Variants in CACNA2D2 observed in about 807,000 individuals in gnomAD.
CACNA2D2 encodes voltage-dependent calcium channel subunit alpha-2/delta-2.
A neutral mutation model predicts 166.4 loss-of-function variants in CACNA2D2; 48 were observed. That is an observed-to-expected ratio of 0.29 (90% CI 0.23 to 0.37). The LOEUF (loss-of-function observed/expected upper bound fraction) is 0.37. Among genes scored for constraint, CACNA2D2 ranks in the 10% least tolerant of loss-of-function variants. CACNA2D2 has a pLI of 1.00. For synonymous variants in CACNA2D2, 561 were observed against 573.7 expected (o/e 0.98, Z 0.32); for missense variants, 1,122 against 1,433.0 (o/e 0.78, Z 3.50).
In CACNA2D2 at chr3:50,460,295, T is replaced by C. The variant is rs571674641; in HGVS notation, c.288+15823A>G. Among the ~76,000 whole-genome samples, 5 of 152,324 alleles carry C rather than the reference T, an allele frequency of 3.3e-5. No individual in the cohort carries two copies. The South Asian group carries it at 8.3e-4, about 25-fold the overall frequency. On this transcript the variant is annotated intron_variant, in intron 2 of 37. Transcript: ENST00000424201. ...ACTTTGGTTTACAATACTGTGCCAATGTTGATGTCTTAGTTTTGATATTTA... is the reference window on the plus strand; with the variant it reads ...ACTTTGGTTTACAATACTGTGCCAACGTTGATGTCTTAGTTTTGATATTTA...
At position 50,378,028 on chromosome 3, in the gene CACNA2D2, T is replaced by C; in HGVS notation, c.1459A>G (p.Asn487Asp). ...CTTACCAGTGCATCCTCATACACGT[T>C]GGTCCACTGCACCTGCTTGGCCTCC... is the stretch of plus-strand genomic sequence containing the variant. The part of the protein sequence containing the change: ...GKEAKQVQWT[N>D]VYEDALGLGL... Residue 487 changes from asparagine (N) to aspartate (D), a missense_variant, in exon 15 of 38, where the codon AAC becomes GAC. Asn to Asp is a conservative substitution (Grantham distance 23). Coordinates refer to ENST00000424201, the MANE Select transcript of CACNA2D2 (RefSeq NM_006030.4). 1.2e-6 allele frequency: 2 copies of C among 1,613,726 alleles called. No individual in the cohort carries two copies. The highest frequency in any genetic ancestry group is 1.1e-5 in the South Asian group (1 of 91,088).
intron 1 of CACNA2D2, among the ~76,000 whole-genome samples, chr3:50,498,456 T>C (rs1698814300): frequency 6.6e-6 from 1 of 152,122 alleles, no homozygotes. Context: ...CAGACTGGAA[T>C]CTGGAGAAGG....
intron 2 of CACNA2D2, among the ~76,000 whole-genome samples, chr3:50,466,554 G>A (rs184502067): frequency 2.2e-4 from 33 of 152,282 alleles, no homozygotes; most frequent in African/African-American, 7.9e-4. Flanking sequence ...CTGACGCACA[G>A]GGGTTCACTT....
intron 1 of CACNA2D2, among the ~76,000 whole-genome samples, chr3:50,501,855 A>G (rs1698977452): frequency 6.6e-6 from 1 of 152,134 alleles, no homozygotes; most frequent in Non-Finnish European, 1.5e-5. Flanking sequence ...CTGAACTTCC[A>G]TTCGATTCTT....
Position 50,365,462 on chromosome 3 carries a change from T to G in CACNA2D2, c.2992A>C (p.Ser998Arg). The change falls in exon 35 of 38, where the codon AGC (serine) becomes CGC (arginine). Residue 998 changes from serine (S) to arginine (R), a missense_variant. This residue lies in a region of CACNA2D2 where 282 missense variants were observed against 266.2 expected (regional missense o/e 1.06). Transcript: ENST00000424201. The surrounding 1 kb of genome is among the most constrained non-coding windows in gnomAD (Gnocchi z 4.5). ...CAGCTGCTCTCGCGCGTCTCGGGGC[T>G]CCCCTCGGCCTCCGCGGGGTCTGCG... Reference protein sequence around the residue: ...FQADPAEAEGSPETRESSCVM... With the variant: ...FQADPAEAEGRPETRESSCVM... 1 of 1,613,368 alleles carries G rather than the reference T, an allele frequency of 6.2e-7. No homozygotes were observed. Among genetic ancestry groups the G allele is most frequent in the Non-Finnish European group, 8.5e-7 (1 of 1,179,862 alleles).
intron 2 of CACNA2D2, among the ~76,000 whole-genome samples, chr3:50,461,490 C>A (rs1325862798): frequency 1.3e-5 from 2 of 152,136 alleles, no homozygotes; most frequent in Non-Finnish European, 2.9e-5. Context: ...GTAATCCCAG[C>A]ACTTTGGGAG....
chr3:50,363,081 T>C lies in CACNA2D2; in HGVS notation c.*1585A>G, dbSNP rs2109387833. ...GGGTTAGACAGCTACCTGATGGGGA[T>C]TGTTTTGTCTGTTTTTCTGTTTTTT... is the stretch of plus-strand genomic sequence containing the variant. On this transcript the variant is annotated 3_prime_UTR_variant, in exon 38 of 38. Coordinates refer to ENST00000424201, the MANE Select transcript of CACNA2D2 (RefSeq NM_006030.4). 5.0e-6 allele frequency: 2 copies of C among 398,224 alleles called. No homozygotes were observed. The highest frequency in any genetic ancestry group is 3.6e-5 in the East Asian group (1 of 28,038). 24.7% of individuals were successfully genotyped at this position (398,224 alleles called of 1,614,324 possible).
rs1201525342 is a variant in CACNA2D2 at position 50,375,942 on chromosome 3, C to T, written c.1773+21G>A. On this transcript the variant is annotated intron_variant, in intron 19 of 37. Transcript: ENST00000424201. This position sits in a 1 kb window ranked among gnomAD's most constrained non-coding sequence, Gnocchi z 4.0. ...CACTCCTCTGCTCTGTCCCCCACCCCTGTTCTCCTCCTCTCCTTACCTCTT... is the reference window on the plus strand; with the variant it reads ...CACTCCTCTGCTCTGTCCCCCACCCTTGTTCTCCTCCTCTCCTTACCTCTT... 7 of 1,575,442 alleles carry T rather than the reference C, an allele frequency of 4.4e-6. No homozygotes were observed. Among genetic ancestry groups the T allele is most frequent in the Non-Finnish European group, 6.1e-6 (7 of 1,151,890 alleles).
chr3:50,449,236 C>T (rs771685243), intron 2 of CACNA2D2, among the ~76,000 whole-genome samples: 2 of 152,230 alleles, frequency 1.3e-5, no homozygotes, highest in African/African-American at 4.8e-5. Context: ...GGCAGCCCCC[C>T]ACCCCTGTGA....
At chr3:50,482,213 C>A (rs2107119980) in intron 1 of CACNA2D2, among the ~76,000 whole-genome samples, 1 of 152,294 alleles carries the variant, frequency 6.6e-6, no homozygotes, top group East Asian at 1.9e-4. Flanking sequence ...GGGCTTGGAA[C>A]AAGGCTGGTC....
chr3:50,490,229 G>A (rs1053096145), intron 1 of CACNA2D2, among the ~76,000 whole-genome samples: 6 of 152,150 alleles, frequency 3.9e-5, no homozygotes, highest in Non-Finnish European at 8.8e-5. Flanking sequence ...AGGCATTTGG[G>A]TTCAGCTGGC....
chr3:50,380,603 C>G lies in CACNA2D2; in HGVS notation c.842+145G>C. The G allele has an allele frequency of 1.5e-6, 1 of 678,990 alleles. No individual in the cohort carries two copies. Among genetic ancestry groups the G allele is most frequent in the South Asian group, 2.3e-5 (1 of 43,448 alleles). 42.1% of individuals were successfully genotyped at this position (678,990 alleles called of 1,614,324 possible). ...CTGCCTGGGTGATGGGATCCATTTT[C>G]CAGTGGCAACCATGTGTGAAATGAA... On this transcript the variant is annotated intron_variant, in intron 8 of 37. Transcript: ENST00000424201. This position sits in a 1 kb window ranked among gnomAD's most constrained non-coding sequence, Gnocchi z 4.9.
intron 22 of CACNA2D2, chr3:50,373,138 C>T: frequency 6.8e-7 from 1 of 1,474,860 alleles, no homozygotes; most frequent in Non-Finnish European, 9.1e-7. Flanking sequence ...AACACAAACA[C>T]AAAAACAAAC....
intron 2 of CACNA2D2, among the ~76,000 whole-genome samples, chr3:50,438,177 A>G (rs891174479): frequency 6.6e-6 from 1 of 152,182 alleles, no homozygotes; most frequent in Non-Finnish European, 1.5e-5. Context: ...GGGACAATTC[A>G]GGAGTCTGTT....
At chr3:50,473,597 G>A (rs1710188101) in intron 2 of CACNA2D2, among the ~76,000 whole-genome samples, 3 of 152,218 alleles carry the variant, frequency 2.0e-5, no homozygotes, top group Non-Finnish European at 4.4e-5. Flanking sequence ...TTTTCTCCAA[G>A]CATCCTCCTG....
At chr3:50,466,810 C>G (rs1052606499) in intron 2 of CACNA2D2, among the ~76,000 whole-genome samples, 6 of 152,242 alleles carry the variant, frequency 3.9e-5, no homozygotes, top group African/African-American at 1.4e-4. Flanking sequence ...GGTCTCCATA[C>G]CCCATTTGAT....
Position 50,443,479 on chromosome 3 carries a change from T to C in CACNA2D2, c.289-9050A>G, listed in dbSNP as rs537892810. On this transcript the variant is annotated intron_variant, in intron 2 of 37. Transcript: ENST00000424201. ...TGGCTGCAGACTACCAGGCAGTGAG[T>C]GGAGGTGCCTGTGGCACTGGGCTTC... Among the ~76,000 whole-genome samples, 7 of 152,336 alleles carry C rather than the reference T, an allele frequency of 4.6e-5. No individual in the cohort carries two copies. The East Asian group carries it at 1.3e-3, about 29-fold the overall frequency.
Position 50,378,078 on chromosome 3 carries a change from C to A in CACNA2D2, c.1409G>T (p.Gly470Val), listed in dbSNP as rs781776896. Residue 470 changes from glycine to valine, a missense_variant, in exon 15 of 38, where the codon GGC becomes GTC. This residue lies in a region of CACNA2D2 where 840 missense variants were observed against 1,166.8 expected (regional missense o/e 0.72). Transcript: ENST00000424201. The part of the protein sequence containing the change: ...INTQEYLDVL[G>V]RPMVLAGKEA... Reference sequence around the variant, plus strand: ...CTTGCCTGCCAGCACCATGGGCCTGCCCAACACATCTAGATATTCCTGGGG... The same window carrying A: ...CTTGCCTGCCAGCACCATGGGCCTGACCAACACATCTAGATATTCCTGGGG... The A allele has an allele frequency of 1.2e-6, 2 of 1,613,588 alleles. No individual in the cohort carries two copies. Among genetic ancestry groups the A allele is most frequent in the Non-Finnish European group, 8.5e-7 (1 of 1,180,002 alleles).
At position 50,479,514 on chromosome 3, in the gene CACNA2D2, T is replaced by G. The variant is rs560602357; in HGVS notation, c.207-3315A>C. 5.9e-5 allele frequency among the ~76,000 whole-genome samples: 9 copies of G among 152,384 alleles called. No individual in the cohort carries two copies. In the East Asian group the frequency reaches 1.5e-3, roughly 26 times the overall value. On this transcript the variant is annotated intron_variant, in intron 1 of 37. Coordinates refer to ENST00000424201, the MANE Select transcript of CACNA2D2 (RefSeq NM_006030.4). ...CACAGAGATGTGACTTTGTGGGTTC[T>G]AGGACTTCGCCAGTGTCCCAGTGCC...
Sources: allele counts gnomAD v4.1 joint callset (sites outside exome capture counted in the v4.1 genomes callset), GRCh38; gene constraint gnomAD v4.1.1; regional missense constraint gnomAD v4.1.1; non-coding constraint Gnocchi (gnomAD v3.1); transcripts MANE v1.5; gene names NCBI Gene and HGNC (gene_info 2026-07-23, HGNC 2026-07-21).